Variants in PMP22 observed in about 807,000 individuals in gnomAD.
The protein encoded by PMP22 is Charcot-Marie-Tooth neuropathy 1A (greatly reduced nerve conduction velocity, hereditary motor sensory neuropathy Ia).
A neutral mutation model predicts 18.9 loss-of-function variants in PMP22; 2 were observed. The ratio of observed to expected loss-of-function variants is 0.11; its 90% CI spans 0.04 to 0.33. The LOEUF is 0.33. Ranked by LOEUF, PMP22 falls within the 10% of genes least tolerant of loss-of-function variation. PMP22 has a pLI of 1.00. For synonymous variants in PMP22, 95 were observed against 89.2 expected (o/e 1.07, Z -0.37); for missense variants, 169 against 202.2 (o/e 0.84, Z 1.00).
chr17:15,250,422 G>A (rs1181307934), intron 3 of PMP22, among the ~76,000 whole-genome samples: 1 of 152,052 alleles, frequency 6.6e-6, no homozygotes, highest in African/African-American at 2.4e-5. Context: ...AATACCCTTC[G>A]GTATAGAGGA....
At chr17:15,239,868 AAC>A (rs911634932) in intron 3 of PMP22, among the ~76,000 whole-genome samples, 4 of 152,228 alleles carry the variant, frequency 2.6e-5, no homozygotes, top group Non-Finnish European at 5.9e-5. Flanking sequence ...TACATATACA[AAC>A]ACACACATGT....
At chr17:15,255,608 C>G (rs553256162) in intron 3 of PMP22, among the ~76,000 whole-genome samples, 1 of 152,282 alleles carries the variant, frequency 6.6e-6, no homozygotes, top group Non-Finnish European at 1.5e-5. Flanking sequence ...CTTACTTAAG[C>G]CCCTATCATT....
chr17:15,262,836 C>G (rs904350204), intron 1 of PMP22, among the ~76,000 whole-genome samples: 3 of 152,190 alleles, frequency 2.0e-5, no homozygotes, highest in Admixed American at 2.0e-4. Flanking sequence ...TAGTGTTGAC[C>G]GAGAAACTGG....
intron 3 of PMP22, among the ~76,000 whole-genome samples, chr17:15,248,797 C>T (rs1908067383): frequency 1.3e-5 from 2 of 152,200 alleles, no homozygotes; most frequent in South Asian, 4.1e-4. Flanking sequence ...GCCTGCTTAA[C>T]TTTCAAAACT....
At chr17:15,256,501 C>T (rs945787928) in intron 3 of PMP22, among the ~76,000 whole-genome samples, 1 of 152,004 alleles carries the variant, frequency 6.6e-6, no homozygotes, top group Non-Finnish European at 1.5e-5. Context: ...ATTAGCCAGG[C>T]GTGGTGTTGG....
intron 3 of PMP22, among the ~76,000 whole-genome samples, chr17:15,255,747 G>A (rs1160310494): frequency 6.6e-6 from 1 of 152,124 alleles, no homozygotes; most frequent in African/African-American, 2.4e-5. Context: ...CCCGTTGCCT[G>A]TATTGACTTA....
At chr17:15,241,041 T>C (rs576994882) in intron 3 of PMP22, among the ~76,000 whole-genome samples, 2 of 152,348 alleles carry the variant, frequency 1.3e-5, no homozygotes, top group Non-Finnish European at 2.9e-5. Context: ...AGAGATCAAC[T>C]AGTCCAGCTC....
chr17:15,235,029 A>G (rs62070862), intron 4 of PMP22, among the ~76,000 whole-genome samples: 10 of 152,194 alleles, frequency 6.6e-5, no homozygotes, highest in Non-Finnish European at 1.2e-4. Flanking sequence ...TTTGTTGCCC[A>G]GGCTGGTCTT....
chr17:15,254,194 G>A (rs1908610877), intron 3 of PMP22, among the ~76,000 whole-genome samples: 1 of 152,182 alleles, frequency 6.6e-6, no homozygotes, highest in South Asian at 2.1e-4. Context: ...CCAATGAACG[G>A]CCTCTGAAAG....
At chr17:15,234,270 G>C (rs1410693597) in intron 4 of PMP22, among the ~76,000 whole-genome samples, 1 of 152,178 alleles carries the variant, frequency 6.6e-6, no homozygotes, top group Admixed American at 6.5e-5. Flanking sequence ...GAAGCCAGGG[G>C]AATAGAGCTT....
At chr17:15,238,756 T>G (rs1907024506) in intron 4 of PMP22, among the ~76,000 whole-genome samples, 1 of 152,214 alleles carries the variant, frequency 6.6e-6, no homozygotes, top group African/African-American at 2.4e-5. Flanking sequence ...AACAGAAGTT[T>G]CTAGGACTCT....
intron 1 of PMP22, among the ~76,000 whole-genome samples, chr17:15,262,172 G>GTAT (rs1185365367): frequency 2.6e-5 from 4 of 152,154 alleles, no homozygotes; most frequent in Non-Finnish European, 5.9e-5. Flanking sequence ...GAACTGGGCC[G>GTAT]CCCTTATCCG....
intron 4 of PMP22, among the ~76,000 whole-genome samples, chr17:15,234,812 CTT>C (rs35826567): frequency 4.8e-5 from 7 of 145,024 alleles, no homozygotes; most frequent in Non-Finnish European, 9.1e-5. Context: ...CCACCAAATT[CTT>C]TTTTTTTTTT....
At position 15,258,833 on chromosome 17, in the gene PMP22, G is replaced by T; in HGVS notation, c.178+261C>A. 1.9e-6 allele frequency: 1 copy of T among 515,112 alleles called. No homozygotes were observed. 31.9% of individuals were successfully genotyped at this position (515,112 alleles called of 1,614,324 possible). On this transcript the variant is annotated intron_variant, in intron 3 of 4. Transcript: ENST00000312280. This position sits in a 1 kb window ranked among gnomAD's most constrained non-coding sequence, Gnocchi z 4.1. ...TCGATATTTTTTTCAATCACAAAAA[G>T]CATTATCCTAAGTGATCAGGAGGGC... is the stretch of plus-strand genomic sequence containing the variant.
intron 3 of PMP22, among the ~76,000 whole-genome samples, chr17:15,254,346 G>A (rs933647192): frequency 3.3e-5 from 5 of 152,192 alleles, no homozygotes; most frequent in African/African-American, 1.2e-4. Flanking sequence ...TCTGACAAAC[G>A]AGGAAGCAGC....
intron 3 of PMP22, among the ~76,000 whole-genome samples, chr17:15,246,725 C>T (rs764282659): frequency 3.9e-5 from 6 of 152,214 alleles, no homozygotes; most frequent in Non-Finnish European, 7.3e-5. Flanking sequence ...GTGGAGTTTC[C>T]AGTGGAAGTT....
chr17:15,234,783 A>G (rs1906645723), intron 4 of PMP22, among the ~76,000 whole-genome samples: 1 of 148,626 alleles, frequency 6.7e-6, no homozygotes, highest in East Asian at 2.0e-4. Flanking sequence ...GATGGCACTG[A>G]ACTTTTATTA....
chr17:15,243,959 A>G (rs1907570764), intron 3 of PMP22, among the ~76,000 whole-genome samples: 1 of 152,004 alleles, frequency 6.6e-6, no homozygotes, highest in Admixed American at 6.6e-5. Flanking sequence ...GATAATACAC[A>G]ACATCATATA....
intron 3 of PMP22, among the ~76,000 whole-genome samples, chr17:15,254,057 T>G (rs1437646544): frequency 1.3e-5 from 2 of 152,042 alleles, no homozygotes; most frequent in African/African-American, 4.8e-5. Context: ...TTTCAGGACG[T>G]GAGAAAACGC....
Sources: gnomAD v4.1 joint callset for allele counts (sites outside exome capture counted in the v4.1 genomes callset) on GRCh38, gnomAD v4.1.1 for gene constraint, Gnocchi (gnomAD v3.1) non-coding constraint, MANE v1.5 for transcripts, NCBI Gene and HGNC (gene_info 2026-07-23, HGNC 2026-07-21) for gene names.